USP43: variants seen among roughly 807,000 people sequenced by gnomAD.
The protein encoded by USP43 is ubiquitin specific peptidase 43, also known as ubiquitin carboxyl-terminal hydrolase 43.
USP43 carries 33 observed loss-of-function variants against 90.7 expected under a neutral mutation model. The observed-to-expected ratio is 0.36, with a 90% CI of 0.28 to 0.49. The LOEUF is 0.49. Ranked by LOEUF, USP43 falls within the 20% of genes least tolerant of loss-of-function variation. The pLI is 0.98. For synonymous variants in USP43, 598 were observed against 615.8 expected (o/e 0.97, Z 0.43); for missense variants, 1,274 against 1,476.4 (o/e 0.86, Z 2.25).
chr17:9,659,599 C>T (rs759248189), intron 2 of USP43, among the ~76,000 whole-genome samples: 2 of 152,026 alleles, frequency 1.3e-5, no homozygotes, highest in African/African-American at 4.8e-5. Context: ...TTTTTACTCT[C>T]TCCTCTCCCT....
rs1403399809 is a variant in USP43, at chr17:9,645,854, C to T, written c.222C>T (p.Ser74=). ...GCCCAGTTCCAGCGGCCCCCGGGAGCCCCGGGGAGGAACGCCCGCCCGGAC... is the reference window on the plus strand; with the variant it reads ...GCCCAGTTCCAGCGGCCCCCGGGAGTCCCGGGGAGGAACGCCCGCCCGGAC... ...APGPVPAAPG[S]PGEERPPGPQ... The change falls in exon 1 of 15, where the codon AGC becomes AGT. Residue 74 remains serine (S), a synonymous_variant. Coordinates refer to ENST00000285199, the MANE Select transcript of USP43 (RefSeq NM_153210.5). The surrounding 1 kb of genome is among the most constrained non-coding windows in gnomAD (Gnocchi z 6.8). 50 of 1,414,340 alleles carry T rather than the reference C, an allele frequency of 3.5e-5. No homozygotes were observed. Among genetic ancestry groups the T allele is most frequent in the Non-Finnish European group, 4.4e-5 (48 of 1,090,360 alleles). 87.6% of individuals were successfully genotyped at this position (1,414,340 alleles called of 1,614,324 possible). A position where few individuals can be genotyped will look rare whatever the true frequency, so the allele number is the denominator to read the frequency against.
At chr17:9,650,626 C>A (rs1172954674) in intron 1 of USP43, among the ~76,000 whole-genome samples, 2 of 152,116 alleles carry the variant, frequency 1.3e-5, no homozygotes, top group African/African-American at 4.8e-5. Context: ...TGGTCTCAAA[C>A]GCCTGACCCC....
At chr17:9,713,609 G>A (rs1916329572) in intron 14 of USP43, among the ~76,000 whole-genome samples, 1 of 152,178 alleles carries the variant, frequency 6.6e-6, no homozygotes, top group South Asian at 2.1e-4. Context: ...GATCATTCAG[G>A]AGACTAACAT....
At chr17:9,656,995 C>T (rs1280358798) in intron 2 of USP43, among the ~76,000 whole-genome samples, 1 of 152,256 alleles carries the variant, frequency 6.6e-6, no homozygotes, top group South Asian at 2.1e-4. Context: ...ATTTAGCATC[C>T]CCAGGTTTTG....
At chr17:9,690,970 T>C (rs1451528922) in intron 8 of USP43, among the ~76,000 whole-genome samples, 4 of 152,200 alleles carry the variant, frequency 2.6e-5, no homozygotes, top group Non-Finnish European at 5.9e-5. Context: ...CTACTTTCTA[T>C]CTGTATGAAT....
At chr17:9,688,338 C>G (rs1316844538) in intron 8 of USP43, among the ~76,000 whole-genome samples, 2 of 146,728 alleles carry the variant, frequency 1.4e-5, no homozygotes, top group Non-Finnish European at 1.5e-5. Flanking sequence ...TTACTCTTAC[C>G]TGCTCACACT....
At chr17:9,714,923 G>A (rs905044273) in intron 14 of USP43, among the ~76,000 whole-genome samples, 1 of 152,186 alleles carries the variant, frequency 6.6e-6, no homozygotes, top group African/African-American at 2.4e-5. Flanking sequence ...CATCAGGCTG[G>A]AAGGCCACCG....
chr17:9,713,431 C>T (rs1224185996), intron 14 of USP43, among the ~76,000 whole-genome samples: 2 of 152,120 alleles, frequency 1.3e-5, no homozygotes, highest in Admixed American at 6.6e-5. Flanking sequence ...TGCCCCCATT[C>T]CCGGCCTCTG....
chr17:9,697,413 TTC>T (rs1244358679), intron 9 of USP43, among the ~76,000 whole-genome samples: 1 of 152,062 alleles, frequency 6.6e-6, no homozygotes, highest in Non-Finnish European at 1.5e-5. Context: ...GAGTTTGCAT[TTC>T]TATATAACCC....
chr17:9,659,601 C>G (rs988417517), intron 2 of USP43, among the ~76,000 whole-genome samples: 1 of 152,032 alleles, frequency 6.6e-6, no homozygotes, highest in Non-Finnish European at 1.5e-5. Flanking sequence ...TTTACTCTCT[C>G]CTCTCCCTGG....
At chr17:9,666,562 G>A in intron 2 of USP43, 86 bp from the exon 3 acceptor site, 1 of 1,084,082 alleles carries the variant, frequency 9.2e-7, no homozygotes, top group East Asian at 2.6e-5. Flanking sequence ...TGCGGGCCCA[G>A]GAGGAAGCAT....
At position 9,682,925 on chromosome 17, in the gene USP43, G is replaced by C; in HGVS notation, c.1208G>C (p.Cys403Ser). 6.2e-7 allele frequency: 1 copy of C among 1,613,970 alleles called. No homozygotes were observed. Among genetic ancestry groups the C allele is most frequent in the Non-Finnish European group, 8.5e-7 (1 of 1,179,860 alleles). Residue 403 changes from cysteine to serine, a missense_variant, in exon 7 of 15, where the codon TGT becomes TCT. This residue lies in a region of USP43 where 253 missense variants were observed against 276.0 expected (regional missense o/e 0.92). Coordinates refer to ENST00000285199, the MANE Select transcript of USP43 (RefSeq NM_153210.5). Reference sequence around the variant, plus strand: ...GAGAGCAAGGTGCTAATCCTCTTCTGTAACTTGGTGGGGTCAGGGCAGCAG... The same window carrying C: ...GAGAGCAAGGTGCTAATCCTCTTCTCTAACTTGGTGGGGTCAGGGCAGCAG... ...HSESKVLILF[C>S]NLVGSGQQAS...
At chr17:9,695,753 T>C (rs1915221946) in intron 9 of USP43, among the ~76,000 whole-genome samples, 1 of 152,226 alleles carries the variant, frequency 6.6e-6, no homozygotes, top group Admixed American at 6.5e-5. Flanking sequence ...ATGGAAACTC[T>C]GTACCCATCA....
intron 5 of USP43, among the ~76,000 whole-genome samples, chr17:9,679,346 C>T (rs1299681841): frequency 6.6e-6 from 1 of 151,646 alleles, no homozygotes; most frequent in Non-Finnish European, 1.5e-5. Flanking sequence ...GGACTACAGG[C>T]TCATGCCACC....
intron 2 of USP43, among the ~76,000 whole-genome samples, chr17:9,664,765 G>A (rs1278965124): frequency 6.6e-6 from 1 of 151,740 alleles, no homozygotes; most frequent in Non-Finnish European, 1.5e-5. Context: ...AGCCTCCCGA[G>A]TAGCCGGGAC....
intron 1 of USP43, among the ~76,000 whole-genome samples, chr17:9,654,855 A>T (rs1409342929): frequency 2.6e-5 from 4 of 151,620 alleles, no homozygotes; most frequent in African/African-American, 7.3e-5. Flanking sequence ...CTCCTGCCTC[A>T]GTCTCCCAAG....
chr17:9,693,095 G>C, intron 8 of USP43, 32 bp from the exon 9 acceptor site: 2 of 1,563,726 alleles, frequency 1.3e-6, no homozygotes, highest in Non-Finnish European at 1.8e-6. Context: ...TAGGGGCTAC[G>C]TAATGATCCA....
chr17:9,727,923 T>G, intron 14 of USP43, 31 bp from the exon 15 acceptor site: 1 of 1,572,988 alleles, frequency 6.4e-7, no homozygotes, highest in South Asian at 1.2e-5. Context: ...TAGGGTGGCT[T>G]GTACACTGAC....
In USP43 at chr17:9,681,351, A is replaced by C. The variant is rs1232537412; in HGVS notation, c.1105+985A>C. On this transcript the variant is annotated intron_variant, in intron 6 of 14. Coordinates refer to ENST00000285199, the MANE Select transcript of USP43 (RefSeq NM_153210.5). Reference sequence around the variant, plus strand: ...ATATAAATAAATATATATATAAATAAAATAAATAAAATAAATAAATATATA... The same window carrying C: ...ATATAAATAAATATATATATAAATACAATAAATAAAATAAATAAATATATA... Among the ~76,000 whole-genome samples the C allele has an allele frequency of 7.7e-5, 9 of 116,758 alleles. No homozygotes were observed. The East Asian group carries it at 2.0e-3, about 26-fold the overall frequency. The allele number at this position is 116,758 out of a possible 152,430, so 76.6% of individuals were successfully genotyped here. A position where few individuals can be genotyped will look rare whatever the true frequency, so the allele number is the denominator to read the frequency against.
Sources: allele counts gnomAD v4.1 joint callset (sites outside exome capture counted in the v4.1 genomes callset), GRCh38; gene constraint gnomAD v4.1.1; regional missense constraint gnomAD v4.1.1; non-coding constraint Gnocchi (gnomAD v3.1); transcripts MANE v1.5; gene names NCBI Gene and HGNC (gene_info 2026-07-23, HGNC 2026-07-21).